Variants in SCRG1 observed in about 807,000 individuals in gnomAD.
SCRG1 encodes scrapie-responsive protein 1.
SCRG1 carries 3 observed loss-of-function variants against 7.7 expected under a neutral mutation model. The observed-to-expected ratio is 0.39, with a 90% CI of 0.18 to 1.01. SCRG1 has a LOEUF of 1.01. Ranked by LOEUF, SCRG1 falls within the 50% of genes least tolerant of loss-of-function variation. The pLI is 0.36. For synonymous variants in SCRG1, 46 were observed against 41.2 expected (o/e 1.12, Z -0.44); for missense variants, 110 against 117.2 (o/e 0.94, Z 0.28).
At chr4:173,391,878 C>T (rs145967245) in intron 1 of SCRG1, among the ~76,000 whole-genome samples, 1 of 152,170 alleles carries the variant, frequency 6.6e-6, no homozygotes, top group African/African-American at 2.4e-5. Flanking sequence ...TGCCACTGCT[C>T]TACTGGGGGT....
At chr4:173,437,047 ATTC>A in the SCRG1 span, among the ~76,000 whole-genome samples, 1 of 152,180 alleles carries the variant, frequency 6.6e-6, no homozygotes. Context: ...TGAGGCTGCA[ATTC>A]TTCTCTGCGG....
At chr4:173,509,620 C>G in the SCRG1 span, among the ~76,000 whole-genome samples, 1 of 152,160 alleles carries the variant, frequency 6.6e-6, no homozygotes, top group Admixed American at 6.5e-5. This position sits in a 1 kb window ranked among gnomAD's most constrained non-coding sequence, Gnocchi z 5.7. Context: ...ACTTCCTCCC[C>G]GCGCCGCTCC....
the SCRG1 span, among the ~76,000 whole-genome samples, chr4:173,515,197 T>C: frequency 3.9e-5 from 6 of 152,306 alleles, no homozygotes; most frequent in South Asian, 1.2e-3. This position sits in a 1 kb window ranked among gnomAD's most constrained non-coding sequence, Gnocchi z 4.6. Context: ...AGTTGGAACA[T>C]ACGGTGCCAG....
At position 173,385,360 on chromosome 4, in the gene SCRG1, C is replaced by T. The variant is rs1200707137; in HGVS notation, c.*2981G>A. On this transcript the variant is annotated 3_prime_UTR_variant, in exon 3 of 3. Coordinates refer to ENST00000296506, the MANE Select transcript of SCRG1 (RefSeq NM_007281.4). ...TGACAAGTGCCTGTAGTCCCAGCTA[C>T]TCAGGAGGTTGAAGCACAAGTATCA... 6.6e-6 allele frequency: 1 copy of T among 151,844 alleles called. No homozygotes were observed. Among genetic ancestry groups the T allele is most frequent in the Non-Finnish European group, 1.5e-5 (1 of 67,994 alleles). 9.4% of individuals were successfully genotyped at this position (151,844 alleles called of 1,614,324 possible).
At chr4:173,487,910 T>C in the SCRG1 span, among the ~76,000 whole-genome samples, 1 of 151,970 alleles carries the variant, frequency 6.6e-6, no homozygotes, top group Admixed American at 6.6e-5. Context: ...GAGATCATCC[T>C]GGGCAACATG....
At chr4:173,486,895 T>C in the SCRG1 span, among the ~76,000 whole-genome samples, 1 of 152,192 alleles carries the variant, frequency 6.6e-6, no homozygotes, top group African/African-American at 2.4e-5. Flanking sequence ...CTTCTGATTT[T>C]CCATTCAGGG....
At chr4:173,484,202 AT>A in the SCRG1 span, among the ~76,000 whole-genome samples, 1 of 76,526 alleles carries the variant, frequency 1.3e-5, no homozygotes, top group Admixed American at 2.2e-4. Flanking sequence ...ATTATATATT[AT>A]ATATATTTTC....
chr4:173,388,590 A>T (rs915413659), intron 2 of SCRG1, among the ~76,000 whole-genome samples, 195 bp from the exon 3 acceptor site: 11 of 152,218 alleles, frequency 7.2e-5, no homozygotes, highest in African/African-American at 2.7e-4. Context: ...CGATTTGTCT[A>T]CTTTCCCCGC....
At chr4:173,406,632 C>A (rs1249272715), upstream of SCRG1, among the ~76,000 whole-genome samples, 1 of 152,114 alleles carries the variant, frequency 6.6e-6, no homozygotes, top group Non-Finnish European at 1.5e-5. Context: ...TTCAACCCTC[C>A]CCTCCCTCCT....
the SCRG1 span, among the ~76,000 whole-genome samples, chr4:173,485,038 ATATAT>A: frequency 2.6e-4 from 8 of 31,200 alleles, 2 homozygotes; most frequent in Non-Finnish European, 3.6e-4. Flanking sequence ...ATTATATATT[ATATAT>A]TATATAATAT....
chr4:173,397,403 A>G (rs1373212179), intron 1 of SCRG1, among the ~76,000 whole-genome samples: 1 of 152,348 alleles, frequency 6.6e-6, no homozygotes, highest in South Asian at 2.1e-4. Context: ...AAGAAAACAA[A>G]GTTACCTACT....
At chr4:173,518,005 G>A in the SCRG1 span, among the ~76,000 whole-genome samples, 1 of 152,236 alleles carries the variant, frequency 6.6e-6, no homozygotes, top group Admixed American at 6.5e-5. Flanking sequence ...GCTTAACAGA[G>A]GCTCAGCAAG....
chr4:173,427,530 C>T, the SCRG1 span, among the ~76,000 whole-genome samples: 1 of 152,214 alleles, frequency 6.6e-6, no homozygotes, highest in Non-Finnish European at 1.5e-5. Flanking sequence ...ATGCCGTGAT[C>T]TTGAGATAAT....
Position 173,406,015 on chromosome 4 carries a change from G to A in SCRG1, c.-748+245C>T, listed in dbSNP as rs774234719. Reference sequence around the variant, plus strand: ...AAATATACTGTGTATACCAACCTGTGTAAATACACATATCTATGAATATTG... The same window carrying A: ...AAATATACTGTGTATACCAACCTGTATAAATACACATATCTATGAATATTG... On this transcript the variant is annotated intron_variant and NMD_transcript_variant, in intron 1 of 8. Coordinates refer to the SCRG1 transcript ENST00000512188. 4.4e-4 allele frequency among the ~76,000 whole-genome samples: 67 copies of A among 152,330 alleles called. No individual in the cohort carries two copies. The Middle Eastern group carries it at 0.014, about 31-fold the overall frequency.
chr4:173,420,643 A>G, the SCRG1 span, among the ~76,000 whole-genome samples: 1 of 151,918 alleles, frequency 6.6e-6, no homozygotes, highest in Non-Finnish European at 1.5e-5. Flanking sequence ...TGAAAACTGC[A>G]CATTAATGAT....
the SCRG1 span, among the ~76,000 whole-genome samples, chr4:173,516,769 G>T: frequency 3.9e-5 from 6 of 152,188 alleles, no homozygotes; most frequent in African/African-American, 1.4e-4. Context: ...TACCCCGCGC[G>T]CTGACGTTAC....
chr4:173,485,037 T>C, the SCRG1 span, among the ~76,000 whole-genome samples: 1 of 22,222 alleles, frequency 4.5e-5, no homozygotes, highest in Non-Finnish European at 6.9e-5. Context: ...TATTATATAT[T>C]ATATATTATA....
the SCRG1 span, among the ~76,000 whole-genome samples, chr4:173,479,647 C>A: frequency 6.6e-6 from 1 of 151,620 alleles, no homozygotes; most frequent in Non-Finnish European, 1.5e-5. Context: ...CACCATGTTA[C>A]TCAGGCTGGT....
chr4:173,509,832 C>A, the SCRG1 span, among the ~76,000 whole-genome samples: 1 of 152,174 alleles, frequency 6.6e-6, no homozygotes, highest in African/African-American at 2.4e-5. This position sits in a 1 kb window ranked among gnomAD's most constrained non-coding sequence, Gnocchi z 5.7. Flanking sequence ...AAACTGAGCG[C>A]CGGCTGGAAG....
Sources: allele counts gnomAD v4.1 joint callset (sites outside exome capture counted in the v4.1 genomes callset), GRCh38; gene constraint gnomAD v4.1.1; non-coding constraint Gnocchi (gnomAD v3.1); transcripts MANE v1.5; gene names NCBI Gene and HGNC (gene_info 2026-07-23, HGNC 2026-07-21).